CCL15: variants seen among roughly 807,000 people sequenced by gnomAD.
CCL15 encodes the protein C-C motif chemokine 15.
CCL15 carries 8 observed loss-of-function variants against 10.6 expected under a neutral mutation model. The ratio of observed to expected loss-of-function variants is 0.75; its 90% CI spans 0.44 to 1.36. CCL15 has a LOEUF of 1.36. Ranked by LOEUF, CCL15 falls within the 40% of genes most tolerant of loss-of-function variation. The pLI, the probability that CCL15 is intolerant of heterozygous loss-of-function variation, is 0.00. For synonymous variants in CCL15, 51 were observed against 48.8 expected, an observed-to-expected ratio of 1.04 and a Z score of -0.19; for missense variants, 128 against 136.6, an observed-to-expected ratio of 0.94 and a Z score of 0.32.
chr17:35,999,089 A>T (rs976050832), intron 1 of CCL15, among the ~76,000 whole-genome samples, 164 bp from the exon 2 acceptor site: 3 of 152,204 alleles, frequency 2.0e-5, no homozygotes, highest in African/African-American at 7.2e-5. Context: ...CATTTATTCC[A>T]TTAGGGCCCT....
intron 1 of CCL15, among the ~76,000 whole-genome samples, chr17:35,999,764 T>C (rs1407451323): frequency 1.3e-5 from 2 of 152,116 alleles, no homozygotes; most frequent in Admixed American, 1.3e-4. Context: ...GCCTAGCGTG[T>C]ATTACCTTTT....
At chr17:35,998,526 C>T (rs1454470116) in intron 2 of CCL15, 135 bp from the exon 3 acceptor site, 1 of 726,272 alleles carries the variant, frequency 1.4e-6, no homozygotes, top group African/African-American at 1.8e-5. Flanking sequence ...CTGCTTCAGA[C>T]CCTCCCCAGG....
chr17:35,999,535 C>T (rs1272077700), intron 1 of CCL15, among the ~76,000 whole-genome samples: 1 of 151,240 alleles, frequency 6.6e-6, no homozygotes, highest in African/African-American at 2.4e-5. Context: ...ATGATCATAA[C>T]TCACTGCAGC....
At chr17:35,998,193 C>T (rs1430951505) in intron 3 of CCL15, 87 bp downstream of exon 3, 18 of 844,786 alleles carry the variant, frequency 2.1e-5, no homozygotes, top group South Asian at 1.4e-4. Context: ...GGGTGGAACC[C>T]GATGGACGCC....
chr17:35,999,933 C>T lies in CCL15; in HGVS notation c.77-1008G>A, dbSNP rs555705170. Among the ~76,000 whole-genome samples, 15 of 151,292 alleles carry T rather than the reference C, an allele frequency of 9.9e-5. No homozygotes were observed. In the South Asian group the frequency reaches 2.5e-3, roughly 25 times the overall value. On this transcript the variant is annotated intron_variant, in intron 1 of 3. Transcript: ENST00000617897. ...TTGGGAGGCCGAGGTGGGCAGATAA[C>T]GAGATCAGGAGATTGAGACCATCCT...
Position 35,998,889 on chromosome 17 carries a change from A to G in CCL15, c.113T>C (p.Leu38Pro). 1.2e-6 allele frequency: 2 copies of G among 1,614,072 alleles called. No homozygotes were observed. The highest frequency in any genetic ancestry group is 1.7e-6 in the Non-Finnish European group (2 of 1,179,862). ...ACTGTTCAGAACTACTGGATTTTCC[A>G]GTGGAAGCTTTGACATCATTAACTC... is the stretch of plus-strand genomic sequence containing the variant. The part of the protein sequence containing the change: ...ETELMMSKLP[L>P]ENPVVLNSFH... The change falls in exon 2 of 4, where the codon CTG (leucine) becomes CCG (proline). Residue 38 changes from leucine (L) to proline (P), a missense_variant. By Grantham distance (98) the Leu-to-Pro change is moderately conservative. Transcript: ENST00000617897.
At chr17:36,000,115 C>T (rs1201320425) in intron 1 of CCL15, among the ~76,000 whole-genome samples, 2 of 142,814 alleles carry the variant, frequency 1.4e-5, no homozygotes, top group East Asian at 2.1e-4. Context: ...CGTGCCACTG[C>T]ACTCCAGCCT....
intron 1 of CCL15, among the ~76,000 whole-genome samples, chr17:36,001,074 G>T (rs570663885): frequency 9.2e-5 from 14 of 152,230 alleles, no homozygotes; most frequent in African/African-American, 3.1e-4. Context: ...ACACCAGATG[G>T]TAGATAGCAG....
chr17:35,999,664 A>G (rs1289608947), intron 1 of CCL15, among the ~76,000 whole-genome samples: 1 of 151,856 alleles, frequency 6.6e-6, no homozygotes, highest in Middle Eastern at 3.2e-3. Context: ...AGGTCTTGCT[A>G]TGATGCCCAG....
In CCL15 at chr17:35,997,841, G is replaced by T; in HGVS notation, c.268C>A (p.Arg90=). 6.2e-7 allele frequency: 1 copy of T among 1,613,656 alleles called. No homozygotes were observed. The highest frequency in any genetic ancestry group is 8.5e-7 in the Non-Finnish European group (1 of 1,179,666). Residue 90 remains arginine (R), a synonymous_variant, in exon 4 of 4, where the codon CGG becomes AGG. Transcript: ENST00000617897. ...CCACTGGGTTTGGCACAGACTTGCC[G>T]CCCCTTCTTGGTGAGGAATCTGGGG... The part of the protein sequence containing the change: ...PGVIFLTKKG[R]QVCAKPSGPG...
intron 1 of CCL15, among the ~76,000 whole-genome samples, chr17:35,999,687 C>G (rs1223450102): frequency 1.3e-5 from 2 of 152,030 alleles, no homozygotes; most frequent in Non-Finnish European, 2.9e-5. Flanking sequence ...TGGTCTTGAA[C>G]TCCTGTGGTC....
chr17:36,000,888 G>A (rs546705411), intron 1 of CCL15, among the ~76,000 whole-genome samples: 5 of 152,024 alleles, frequency 3.3e-5, no homozygotes, highest in African/African-American at 9.7e-5. Context: ...CGTGTGTCAC[G>A]GTGTACCTCC....
chr17:35,997,676 C>T lies in CCL15; in HGVS notation c.*91G>A. The T allele has an allele frequency of 1.3e-6, 1 of 762,440 alleles. No homozygotes were observed. Among genetic ancestry groups the T allele is most frequent in the Non-Finnish European group, 2.3e-6 (1 of 443,868 alleles). 47.2% of individuals were successfully genotyped at this position (762,440 alleles called of 1,614,324 possible). On this transcript the variant is annotated 3_prime_UTR_variant, in exon 4 of 4. Coordinates refer to ENST00000617897, the MANE Select transcript of CCL15 (RefSeq NM_032965.6). ...GATGCATTACTTTCATTACCAGACA[C>T]AACAATATATATATTTTTTAAGTAT...
chr17:36,001,071 A>G (rs2089989758), intron 1 of CCL15, among the ~76,000 whole-genome samples: 1 of 152,158 alleles, frequency 6.6e-6, no homozygotes, highest in Non-Finnish European at 1.5e-5. Flanking sequence ...TTTACACCAG[A>G]TGGTAGATAG....
intron 1 of CCL15, among the ~76,000 whole-genome samples, chr17:35,999,701 C>T (rs538125226): frequency 6.6e-6 from 1 of 152,074 alleles, no homozygotes; most frequent in South Asian, 2.1e-4. Context: ...TGTGGTCAAG[C>T]AATTCTCCTA....
rs189024345 is a variant in CCL15, at chr17:35,998,510, C to G, written c.137-119G>C. 4 of 762,056 alleles carry G rather than the reference C, an allele frequency of 5.2e-6. No homozygotes were observed. The Admixed American group carries it at 9.0e-5, about 17-fold the overall frequency. 47.2% of individuals were successfully genotyped at this position (762,056 alleles called of 1,614,324 possible). On this transcript the variant is annotated intron_variant, in intron 2 of 3. Transcript: ENST00000617897. ...TCCTCCTCGGCTAGCACTTGCTGGC[C>G]TCTCCCTGCTTCAGACCCTCCCCAG...
Position 35,998,923 on chromosome 17 carries a change from C to CATCTG in CCL15, c.77-3_78dup (p.Ala27GlnfsTer7), listed in dbSNP as rs1345882375. On this transcript the variant is annotated frameshift_variant and splice_region_variant, in exon 2 of 4. Coordinates refer to ENST00000617897, the MANE Select transcript of CCL15 (RefSeq NM_032965.6). LOFTEE classifies it high-confidence loss of function. The stretch of plus-strand genomic sequence containing the variant: ...TTTGACATCATTAACTCTGTCTCTG[C>CATCTG]ATCTGAAAGAAACAGTACAGGGAAG... 6.8e-6 allele frequency: 11 copies of CATCTG among 1,613,184 alleles called. No homozygotes were observed. Among genetic ancestry groups the CATCTG allele is most frequent in the Admixed American group, 1.7e-5 (1 of 60,008 alleles).
chr17:35,998,970 TA>T (rs1555641614), intron 1 of CCL15, 45 bp from the exon 2 acceptor site: 1 of 1,536,570 alleles, frequency 6.5e-7, no homozygotes, highest in Non-Finnish European at 9.0e-7. Context: ...GTGGCAGCAG[TA>T]TGTTTCAACA....
At position 35,998,925 on chromosome 17, in the gene CCL15, T is replaced by C. The variant is rs895422151; in HGVS notation, c.77A>G (p.Asp26Gly). Residue 26 changes from aspartate (D) to glycine (G), a missense_variant and splice_region_variant, in exon 2 of 4, where the codon GAT becomes GGT. Transcript: ENST00000617897. ...TGACATCATTAACTCTGTCTCTGCA[T>C]CTGAAAGAAACAGTACAGGGAAGGA... The part of the protein sequence containing the change: ...VLGSQAQFTN[D>G]AETELMMSKL... 2.5e-6 allele frequency: 4 copies of C among 1,613,292 alleles called. No homozygotes were observed. In the African/African-American group the frequency reaches 5.3e-5, roughly 22 times the overall value.
Sources: allele counts gnomAD v4.1 joint callset (sites outside exome capture counted in the v4.1 genomes callset), GRCh38; gene constraint gnomAD v4.1.1; transcripts MANE v1.5; gene names NCBI Gene and HGNC (gene_info 2026-07-23, HGNC 2026-07-21).